The following RYR2 variants were observed in gnomAD, a reference collection of about 807,000 sequenced individuals.
The protein encoded by RYR2 is ryanodine receptor 2.
In RYR2, 227 loss-of-function variants were observed where a neutral mutation model predicts 601.1. That is an observed-to-expected ratio of 0.38 (90% CI 0.34 to 0.42). The LOEUF is 0.42. RYR2 is among the 10% of genes least tolerant of loss of function. The pLI is 1.00. For missense variants in RYR2, 4,646 were observed against 6,156.5 expected, an observed-to-expected ratio of 0.75 and a Z score of 8.21; for synonymous variants, 2,223 against 2,175.1, an observed-to-expected ratio of 1.02 and a Z score of -0.61.
rs752640368 is a variant in RYR2, at chr1:237,742,285, TA to T, written c.11092-8del. The T allele has an allele frequency of 1.5e-5, 23 of 1,488,850 alleles. No homozygotes were observed. The highest frequency in any genetic ancestry group is 7.4e-5 in the East Asian group (3 of 40,532). 92.2% of individuals were successfully genotyped at this position (1,488,850 alleles called of 1,614,324 possible). On this transcript the variant is annotated splice_polypyrimidine_tract_variant and intron_variant, in intron 79 of 104. Coordinates refer to ENST00000366574, the MANE Select transcript of RYR2 (RefSeq NM_001035.3). ...TTCCTGTCTCCTTTTTTTTTTTTTTTAAATATACAGAGTTGTCATGATGAGG... is the reference window on the plus strand; with the variant it reads ...TTCCTGTCTCCTTTTTTTTTTTTTTTAATATACAGAGTTGTCATGATGAGG...
chr1:237,295,432 A>G (rs1692658038), intron 2 of RYR2, among the ~76,000 whole-genome samples: 2 of 152,146 alleles, frequency 1.3e-5, no homozygotes, highest in Admixed American at 1.3e-4. Flanking sequence ...TTGATGATAT[A>G]TTGCACATTG....
Position 237,352,811 on chromosome 1 carries a change from G to C in RYR2, c.274-3154G>C, listed in dbSNP as rs147003424. On this transcript the variant is annotated intron_variant, in intron 3 of 104. Transcript: ENST00000366574. ...TGATGCATTAGTAAGTGACAATGCA[G>C]TGCTAATGGGGAAAAGATTTATTTT... 5.1e-3 allele frequency: 2,550 copies of C among 502,260 alleles called. 16 individuals carry two copies. The highest frequency in any genetic ancestry group is 0.012 in the South Asian group (822 of 68,480). 31.1% of individuals were successfully genotyped at this position (502,260 alleles called of 1,614,324 possible).
intron 24 of RYR2, among the ~76,000 whole-genome samples, chr1:237,528,367 T>C (rs973883784): frequency 6.6e-6 from 1 of 152,122 alleles, no homozygotes; most frequent in African/African-American, 2.4e-5. Context: ...TATGTATGGA[T>C]AGGAAAAAGT....
chr1:237,104,858 A>G (rs1319359219), intron 1 of RYR2, among the ~76,000 whole-genome samples: 4 of 152,140 alleles, frequency 2.6e-5, no homozygotes, highest in Admixed American at 6.5e-5. Flanking sequence ...CCTGTTGACT[A>G]TCGTGCAGTG....
intron 48 of RYR2, among the ~76,000 whole-genome samples, chr1:237,647,050 G>A (rs16835569): frequency 0.029 from 4,479 of 152,142 alleles, 212 homozygotes; most frequent in African/African-American, 0.1. Flanking sequence ...GCACAGCTAC[G>A]GTTTAAGATA....
chr1:237,709,304 A>G (rs1314957709), intron 69 of RYR2, among the ~76,000 whole-genome samples, 176 bp from the exon 70 acceptor site: 1 of 152,190 alleles, frequency 6.6e-6, no homozygotes, highest in Non-Finnish European at 1.5e-5. Context: ...TTTGCATGTA[A>G]AAGTTAACAG....
At chr1:237,413,982 A>G (rs1704690133) in intron 10 of RYR2, among the ~76,000 whole-genome samples, 1 of 152,048 alleles carries the variant, frequency 6.6e-6, no homozygotes, top group South Asian at 2.1e-4. Flanking sequence ...ATTATTTAGA[A>G]GTTTCTTCAT....
At chr1:237,266,330 TTG>T (rs3056169) in intron 1 of RYR2, among the ~76,000 whole-genome samples, 132 of 149,206 alleles carry the variant, frequency 8.8e-4, no homozygotes, top group African/African-American at 1.0e-3. Flanking sequence ...AGAAACTAGA[TTG>T]TGTGTGTGTG....
intron 88 of RYR2, among the ~76,000 whole-genome samples, chr1:237,780,261 T>C (rs899383260): frequency 2.0e-5 from 3 of 152,164 alleles, no homozygotes; most frequent in African/African-American, 4.8e-5. Flanking sequence ...TTCAGCCCAA[T>C]AGGGAAATTC....
chr1:237,683,806 G>A (rs564816909), intron 62 of RYR2, among the ~76,000 whole-genome samples: 2 of 152,284 alleles, frequency 1.3e-5, no homozygotes, highest in South Asian at 4.1e-4. Context: ...GATGAGAGTG[G>A]GAGAGTTGGG....
chr1:237,513,341 A>T (rs1361241098), intron 24 of RYR2, among the ~76,000 whole-genome samples: 3 of 152,188 alleles, frequency 2.0e-5, no homozygotes, highest in Non-Finnish European at 4.4e-5. Flanking sequence ...ACTTATCCTA[A>T]TATGTTTTTA....
chr1:237,335,684 T>G (rs776840156), intron 3 of RYR2, among the ~76,000 whole-genome samples: 3 of 152,174 alleles, frequency 2.0e-5, no homozygotes, highest in Non-Finnish European at 4.4e-5. Flanking sequence ...ATTAGAATAT[T>G]GTAGATTGAA....
chr1:237,530,573 T>A, intron 25 of RYR2, 63 bp downstream of exon 25: 1 of 1,209,030 alleles, frequency 8.3e-7, no homozygotes, highest in Non-Finnish European at 1.2e-6. Context: ...ACCAAATAAC[T>A]CTTGATGGAC....
chr1:237,333,391 T>C (rs1696938571), intron 3 of RYR2, among the ~76,000 whole-genome samples: 1 of 152,214 alleles, frequency 6.6e-6, no homozygotes, highest in Admixed American at 6.5e-5. Context: ...CCACAGGTGA[T>C]GCCAGTTAAT....
chr1:237,687,516 C>T lies in RYR2; in HGVS notation c.9067+12C>T, dbSNP rs112365440. ...GATTTCACTATTTGGTAAGGAGACC[C>T]TTGAAAAAATACAAGCATGGCCATC... On this transcript the variant is annotated intron_variant, in intron 63 of 104. Transcript: ENST00000366574. 3,445 of 1,601,008 alleles carry T rather than the reference C, an allele frequency of 2.2e-3. 5 individuals are homozygous for T. Among genetic ancestry groups the T allele is most frequent in the Non-Finnish European group, 2.6e-3 (2,987 of 1,170,334 alleles).
chr1:237,321,339 T>TGA (rs1229816158), intron 2 of RYR2, among the ~76,000 whole-genome samples: 1 of 152,186 alleles, frequency 6.6e-6, no homozygotes, highest in Non-Finnish European at 1.5e-5. Context: ...TCCAAGGTGT[T>TGA]GAATGTCTCA....
intron 80 of RYR2, among the ~76,000 whole-genome samples, chr1:237,752,166 G>A (rs975373574): frequency 1.3e-5 from 2 of 152,230 alleles, no homozygotes; most frequent in South Asian, 2.1e-4. Context: ...CTCTCTTCAT[G>A]GATCTTCTAG....
At chr1:237,613,132 G>A (rs903843890) in intron 36 of RYR2, among the ~76,000 whole-genome samples, 2 of 152,210 alleles carry the variant, frequency 1.3e-5, no homozygotes, top group Admixed American at 6.5e-5. Context: ...AACTAGCATG[G>A]TTGAGAAGAA....
At chr1:237,481,519 A>T (rs1183532108) in intron 17 of RYR2, among the ~76,000 whole-genome samples, 1 of 152,178 alleles carries the variant, frequency 6.6e-6, no homozygotes, top group East Asian at 1.9e-4. Flanking sequence ...GGTAGACCCA[A>T]TTCTCCTTGG....
Sources: gnomAD v4.1 joint callset for allele counts (sites outside exome capture counted in the v4.1 genomes callset) on GRCh38, gnomAD v4.1.1 for gene constraint, MANE v1.5 for transcripts, NCBI Gene and HGNC (gene_info 2026-07-23, HGNC 2026-07-21) for gene names.